Variants in CACNA2D1 observed in about 807,000 individuals in gnomAD.
The protein encoded by CACNA2D1 is voltage-dependent calcium channel subunit alpha-2/delta-1.
Under a neutral mutation model 171.5 loss-of-function variants are expected in CACNA2D1, and 53 were observed. That is an observed-to-expected ratio of 0.31 (90% CI 0.25 to 0.39). The LOEUF is 0.39. Among genes scored for constraint, CACNA2D1 ranks in the 10% least tolerant of loss-of-function variants. The pLI is 1.00. For missense variants in CACNA2D1, 903 were observed against 1,299.8 expected, an observed-to-expected ratio of 0.69 and a Z score of 4.69; for synonymous variants, 442 against 443.1, an observed-to-expected ratio of 1.00 and a Z score of 0.03.
At position 82,117,260 on chromosome 7, in the gene CACNA2D1, T is replaced by C. The variant is rs1789172174; in HGVS notation, c.397-87A>G. On this transcript the variant is annotated intron_variant, in intron 5 of 38. Coordinates refer to ENST00000356860, the MANE Select transcript of CACNA2D1 (RefSeq NM_000722.4). ...CACTTCTTTACTTGCCAAATGCATA[T>C]TTTTCAAAAAATAAATCTACAACAA... The C allele has an allele frequency of 1.0e-5, 13 of 1,299,862 alleles. No homozygotes were observed. The South Asian group carries it at 1.4e-4, about 14-fold the overall frequency. The allele number at this position is 1,299,862 out of a possible 1,614,324, so 80.5% of individuals were successfully genotyped here. A position where few individuals can be genotyped will look rare whatever the true frequency, so the allele number is the denominator to read the frequency against.
intron 18 of CACNA2D1, among the ~76,000 whole-genome samples, chr7:81,999,740 G>A (rs1389043478): frequency 6.6e-6 from 1 of 151,914 alleles, no homozygotes; most frequent in African/African-American, 2.4e-5. Flanking sequence ...AAAAGTATAA[G>A]ATAATACATA....
intron 25 of CACNA2D1, among the ~76,000 whole-genome samples, chr7:81,972,084 T>G (rs1198000886): frequency 6.6e-6 from 1 of 151,672 alleles, no homozygotes; most frequent in East Asian, 1.9e-4. Flanking sequence ...CAATTCTAAA[T>G]GAGCCAAATT....
chr7:81,973,474 T>C (rs1467538839), intron 25 of CACNA2D1, among the ~76,000 whole-genome samples: 2 of 152,012 alleles, frequency 1.3e-5, no homozygotes, highest in African/African-American at 2.4e-5. Flanking sequence ...AGAGTCAGCT[T>C]TAAGAAAGCC....
At chr7:82,422,845 AT>A (rs1420722674) in intron 1 of CACNA2D1, among the ~76,000 whole-genome samples, 1 of 152,072 alleles carries the variant, frequency 6.6e-6, no homozygotes, top group African/African-American at 2.4e-5. Flanking sequence ...TGTCAGAAAA[AT>A]CTCCAATAGA....
intron 3 of CACNA2D1, among the ~76,000 whole-genome samples, chr7:82,208,950 T>G (rs1800284277): frequency 6.6e-6 from 1 of 152,190 alleles, no homozygotes; most frequent in Non-Finnish European, 1.5e-5. Context: ...ATATATACAA[T>G]TTTTATTTGT....
intron 12 of CACNA2D1, among the ~76,000 whole-genome samples, chr7:82,026,406 T>A (rs1392946301): frequency 6.6e-6 from 1 of 151,754 alleles, no homozygotes; most frequent in African/African-American, 2.4e-5. Context: ...CATGTGAACT[T>A]ATTTAAAAAA....
At chr7:82,097,902 TC>T (rs35544519) in intron 6 of CACNA2D1, among the ~76,000 whole-genome samples, 57,987 of 151,744 alleles carry the variant, frequency 0.38, 11,306 homozygotes, top group Non-Finnish European at 0.42. Flanking sequence ...TCACTTGAGG[TC>T]AGGAGTTCAA....
At chr7:82,090,057 G>A (rs1810961366) in intron 6 of CACNA2D1, among the ~76,000 whole-genome samples, 1 of 152,108 alleles carries the variant, frequency 6.6e-6, no homozygotes, top group Non-Finnish European at 1.5e-5. Context: ...CCTGTATGTT[G>A]TAAAGTAATC....
chr7:82,292,688 A>T (rs898669360), intron 3 of CACNA2D1, among the ~76,000 whole-genome samples: 1 of 152,068 alleles, frequency 6.6e-6, no homozygotes, highest in Non-Finnish European at 1.5e-5. Context: ...TGGAGCTGTA[A>T]TATAATTTCT....
In CACNA2D1 at chr7:82,443,503, GA is replaced by G; in HGVS notation, c.-45del. On this transcript the variant is annotated 5_prime_UTR_variant, in exon 1 of 39. Transcript: ENST00000356860. ...ATGCCCCCTCCCTGCCCAAGCGGGG[GA>G]AGGAGCGGCGCTGGAAACCGCGGGC... is the stretch of plus-strand genomic sequence containing the variant. 1 of 1,595,104 alleles carries G rather than the reference GA, an allele frequency of 6.3e-7. No homozygotes were observed. The highest frequency in any genetic ancestry group is 1.1e-5 in the South Asian group (1 of 88,614).
intron 1 of CACNA2D1, among the ~76,000 whole-genome samples, chr7:82,433,563 C>T (rs917380668): frequency 6.6e-6 from 1 of 152,142 alleles, no homozygotes; most frequent in African/African-American, 2.4e-5. Context: ...TCAAAAGTTA[C>T]TTTGTAAGAC....
rs570261457 is a variant in CACNA2D1, at chr7:82,034,693, C to A, written c.1039-1792G>T. On this transcript the variant is annotated intron_variant, in intron 11 of 38. Coordinates refer to ENST00000356860, the MANE Select transcript of CACNA2D1 (RefSeq NM_000722.4). ...GTAAAATAGTCAAAATAATATGTAC[C>A]TAAAGAACTATCCTGTAAAAATGTT... Among the ~76,000 whole-genome samples, 5 of 151,860 alleles carry A rather than the reference C, an allele frequency of 3.3e-5. No homozygotes were observed. In the South Asian group the frequency reaches 1.0e-3, roughly 32 times the overall value.
At chr7:82,250,723 C>A (rs1231284740) in intron 3 of CACNA2D1, among the ~76,000 whole-genome samples, 1 of 152,124 alleles carries the variant, frequency 6.6e-6, no homozygotes, top group Admixed American at 6.5e-5. Context: ...ACATAGCATT[C>A]TTCCAAGAAA....
chr7:82,218,486 C>G (rs2129242295), intron 3 of CACNA2D1, among the ~76,000 whole-genome samples: 1 of 152,206 alleles, frequency 6.6e-6, no homozygotes, highest in South Asian at 2.1e-4. Context: ...AGATTGTTTT[C>G]TATTTGATAA....
intron 10 of CACNA2D1, among the ~76,000 whole-genome samples, chr7:82,047,752 G>T (rs1266195434): frequency 6.6e-6 from 1 of 152,064 alleles, no homozygotes; most frequent in South Asian, 2.1e-4. Flanking sequence ...TTGGAGAGGA[G>T]GGAATACAGA....
chr7:82,303,918 A>G (rs1412103435), intron 3 of CACNA2D1, among the ~76,000 whole-genome samples: 1 of 152,118 alleles, frequency 6.6e-6, no homozygotes, highest in Non-Finnish European at 1.5e-5. Flanking sequence ...ACAGAGTAAA[A>G]AGACAACCTA....
intron 3 of CACNA2D1, among the ~76,000 whole-genome samples, chr7:82,307,388 C>T (rs941865330): frequency 1.1e-4 from 17 of 151,508 alleles, no homozygotes; most frequent in African/African-American, 3.9e-4. Flanking sequence ...AACTCCTGAC[C>T]TCAAGTGATC....
chr7:82,292,517 C>T (rs914428621), intron 3 of CACNA2D1, among the ~76,000 whole-genome samples: 2 of 152,108 alleles, frequency 1.3e-5, no homozygotes, highest in African/African-American at 4.8e-5. Flanking sequence ...CGTGCTTTAC[C>T]TTACACTTGA....
intron 27 of CACNA2D1, 53 bp from the exon 28 acceptor site, chr7:81,970,037 C>G: frequency 9.5e-7 from 1 of 1,055,032 alleles, no homozygotes; most frequent in African/African-American, 1.6e-5. Flanking sequence ...TGATAACCTA[C>G]TTTATCCTAT....
Sources: allele counts gnomAD v4.1 joint callset (sites outside exome capture counted in the v4.1 genomes callset), GRCh38; gene constraint gnomAD v4.1.1; transcripts MANE v1.5; gene names NCBI Gene and HGNC (gene_info 2026-07-23, HGNC 2026-07-21).